Variants in WWOX observed in about 807,000 individuals in gnomAD.
The protein encoded by WWOX is WW domain containing oxidoreductase.
Under a neutral mutation model 46.2 loss-of-function variants are expected in WWOX, and 69 were observed. That is an observed-to-expected ratio of 1.49 (90% CI 1.23 to 1.82). The LOEUF (loss-of-function observed/expected upper bound fraction) is 1.82. Among genes scored for constraint, WWOX ranks in the 40% most tolerant of loss-of-function variants. WWOX has a pLI of 0.00. For synonymous variants in WWOX, 359 were observed against 202.6 expected, an observed-to-expected ratio of 1.77 and a Z score of -6.56; for missense variants, 919 against 542.6, an observed-to-expected ratio of 1.69 and a Z score of -6.89.
chr16:78,716,732 GA>G (rs369139154), intron 8 of WWOX, among the ~76,000 whole-genome samples: 1 of 150,458 alleles, frequency 6.6e-6, no homozygotes, highest in Admixed American at 6.6e-5. Context: ...GTGTGGAACA[GA>G]AAAAAAAGCG....
intron 8 of WWOX, among the ~76,000 whole-genome samples, chr16:79,161,739 A>C (rs538124699): frequency 6.6e-6 from 1 of 152,126 alleles, no homozygotes; most frequent in Non-Finnish European, 1.5e-5. Flanking sequence ...GGCTGGTCTC[A>C]AACTCGTGAC....
intron 5 of WWOX, among the ~76,000 whole-genome samples, chr16:78,261,840 G>A (rs1426947498): frequency 3.5e-5 from 5 of 143,482 alleles, no homozygotes; most frequent in Admixed American, 7.0e-5. Context: ...GTGGGTTCTC[G>A]AATCACAGTT....
intron 8 of WWOX, among the ~76,000 whole-genome samples, chr16:79,035,613 C>T (rs921094179): frequency 4.6e-5 from 7 of 152,164 alleles, no homozygotes; most frequent in African/African-American, 1.4e-4. Flanking sequence ...GATCTTGGCT[C>T]ACTGCAACCT....
At chr16:78,891,760 A>T (rs1020958205) in intron 8 of WWOX, 1 of 151,272 alleles carries the variant, frequency 6.6e-6, no homozygotes, top group African/African-American at 2.5e-5. Context: ...ATGATTTCGA[A>T]TCCACTGCTG....
At chr16:78,805,302 G>T (rs753351963) in intron 8 of WWOX, among the ~76,000 whole-genome samples, 3 of 152,242 alleles carry the variant, frequency 2.0e-5, no homozygotes, top group Admixed American at 2.0e-4. Flanking sequence ...GCCCAGGCTC[G>T]AGTGCAGTGG....
chr16:78,382,186 C>T (rs887975743), intron 5 of WWOX, among the ~76,000 whole-genome samples: 4 of 152,174 alleles, frequency 2.6e-5, no homozygotes, highest in Non-Finnish European at 4.4e-5. Context: ...TCCTCACTTT[C>T]TGTTTTTATT....
intron 5 of WWOX, among the ~76,000 whole-genome samples, chr16:78,384,205 C>A (rs556808017): frequency 6.6e-6 from 1 of 152,170 alleles, no homozygotes; most frequent in South Asian, 2.1e-4. Context: ...TTTACCACCC[C>A]CTCCACAGCA....
At chr16:78,434,347 T>A (rs2083290458) in intron 8 of WWOX, among the ~76,000 whole-genome samples, 1 of 152,110 alleles carries the variant, frequency 6.6e-6, no homozygotes, top group Non-Finnish European at 1.5e-5. Flanking sequence ...GGTTTTGAAA[T>A]CTCCCCATCA....
intron 5 of WWOX, among the ~76,000 whole-genome samples, chr16:78,219,202 TA>T (rs202068400): frequency 5.2e-3 from 756 of 146,622 alleles, no homozygotes; most frequent in East Asian, 0.019. Context: ...GGAGCAGAGT[TA>T]AAAAAAAAAA....
intron 8 of WWOX, among the ~76,000 whole-genome samples, chr16:78,477,411 A>G (rs576276237): frequency 6.6e-6 from 1 of 151,974 alleles, no homozygotes; most frequent in South Asian, 2.1e-4. Flanking sequence ...TTTAAGTGTT[A>G]CTGTGTAATT....
intron 8 of WWOX, among the ~76,000 whole-genome samples, chr16:78,714,505 A>C (rs66966706): frequency 0.17 from 26,292 of 151,886 alleles, 2,742 homozygotes; most frequent in Non-Finnish European, 0.23. Flanking sequence ...GATACAATTC[A>C]AGATGAGATT....
At chr16:78,893,456 T>G (rs1314052985) in intron 8 of WWOX, among the ~76,000 whole-genome samples, 1 of 152,150 alleles carries the variant, frequency 6.6e-6, no homozygotes, top group Non-Finnish European at 1.5e-5. Flanking sequence ...CTGTTGCTAC[T>G]TAGGAAACCA....
intron 8 of WWOX, among the ~76,000 whole-genome samples, chr16:78,595,380 G>T (rs967398454): frequency 7.6e-6 from 1 of 131,604 alleles, no homozygotes; most frequent in African/African-American, 2.5e-5. Flanking sequence ...AACCCTCCCC[G>T]CTGACAGCCA....
intron 8 of WWOX, among the ~76,000 whole-genome samples, chr16:78,510,947 T>G (rs1460147809): frequency 6.6e-6 from 1 of 152,238 alleles, no homozygotes; most frequent in Non-Finnish European, 1.5e-5. Flanking sequence ...ATGTGTTGTT[T>G]CCATCTGATA....
chr16:78,610,331 A>C (rs1006456693), intron 8 of WWOX, among the ~76,000 whole-genome samples: 1 of 152,214 alleles, frequency 6.6e-6, no homozygotes, highest in African/African-American at 2.4e-5. Flanking sequence ...GAGGGGGAAA[A>C]AAAGATTCAA....
intron 5 of WWOX, among the ~76,000 whole-genome samples, chr16:78,309,845 G>C (rs1398500582): frequency 6.6e-6 from 1 of 152,120 alleles, no homozygotes; most frequent in Non-Finnish European, 1.5e-5. Flanking sequence ...CCACTACCTG[G>C]ACCATGACAG....
chr16:78,966,266 C>T (rs908717502), intron 8 of WWOX, among the ~76,000 whole-genome samples: 3 of 152,178 alleles, frequency 2.0e-5, no homozygotes, highest in African/African-American at 7.2e-5. Flanking sequence ...AGATAACAGA[C>T]ATGCTCAGAA....
chr16:78,758,195 T>C (rs893526618), intron 8 of WWOX, among the ~76,000 whole-genome samples: 2 of 152,214 alleles, frequency 1.3e-5, no homozygotes, highest in East Asian at 3.8e-4. Context: ...ATTTGCCACA[T>C]ATAGATGAAG....
intron 8 of WWOX, among the ~76,000 whole-genome samples, chr16:78,435,908 T>C (rs78445982): frequency 0.012 from 1,811 of 152,312 alleles, 36 homozygotes; most frequent in African/African-American, 0.042. Context: ...TCTGCAGTTA[T>C]TATAATCTGG....
Sources: gnomAD v4.1 joint callset for allele counts (sites outside exome capture counted in the v4.1 genomes callset) on GRCh38, gnomAD v4.1.1 for gene constraint, MANE v1.5 for transcripts, NCBI Gene and HGNC (gene_info 2026-07-23, HGNC 2026-07-21) for gene names.